FLT3: variants seen among roughly 807,000 people sequenced by gnomAD.
FLT3 encodes fms related receptor tyrosine kinase 3, also known as receptor-type tyrosine-protein kinase FLT3.
A neutral mutation model predicts 126.6 loss-of-function variants in FLT3; 46 were observed. The ratio of observed to expected loss-of-function variants is 0.36; its 90% CI spans 0.29 to 0.46. The LOEUF (loss-of-function observed/expected upper bound fraction) is 0.46. Among genes scored for constraint, FLT3 ranks in the 20% least tolerant of loss-of-function variants. FLT3 has a pLI of 1.00. For missense variants in FLT3, 1,069 were observed against 1,190.3 expected (o/e 0.90, Z 1.50); for synonymous variants, 404 against 434.4 (o/e 0.93, Z 0.87).
At chr13:28,047,048 C>T (rs1393863333) in intron 9 of FLT3, among the ~76,000 whole-genome samples, 2 of 151,964 alleles carry the variant, frequency 1.3e-5, no homozygotes, top group African/African-American at 2.4e-5. Flanking sequence ...GCTACCGTAC[C>T]GGACAGCACA....
intron 1 of FLT3, among the ~76,000 whole-genome samples, chr13:28,088,709 C>A (rs1030780891): frequency 1.3e-5 from 2 of 151,740 alleles, no homozygotes; most frequent in African/African-American, 4.8e-5. Context: ...CTCAGCCTCC[C>A]GAGTAGCTGG....
At chr13:28,074,667 GT>G (rs1877803032) in intron 1 of FLT3, among the ~76,000 whole-genome samples, 1 of 151,810 alleles carries the variant, frequency 6.6e-6, no homozygotes, top group East Asian at 1.9e-4. Context: ...TTGAGACAGG[GT>G]CTCACCCTGT....
chr13:28,023,595 G>A (rs539031195), intron 18 of FLT3, 118 bp from the exon 19 acceptor site: 38 of 1,082,440 alleles, frequency 3.5e-5, no homozygotes, highest in South Asian at 1.5e-4. Flanking sequence ...TGAAGCTATC[G>A]CATTATCTTC....
chr13:28,089,008 C>CA (rs1878863698), intron 1 of FLT3, among the ~76,000 whole-genome samples: 1 of 152,136 alleles, frequency 6.6e-6, no homozygotes. Flanking sequence ...AATAATAAAA[C>CA]AAACACTCCA....
At chr13:28,023,237 G>C (rs765090048) in intron 19 of FLT3, 113 bp downstream of exon 19, 292 of 1,097,986 alleles carry the variant, frequency 2.7e-4, no homozygotes, top group Non-Finnish European at 3.5e-4. Flanking sequence ...ACAGTGAACA[G>C]GGGAGAAAAG....
intron 4 of FLT3, among the ~76,000 whole-genome samples, chr13:28,054,035 C>CATG (rs1875786324): frequency 6.6e-6 from 1 of 152,050 alleles, no homozygotes; most frequent in African/African-American, 2.4e-5. Context: ...TATGATCAAC[C>CATG]ATGTGCTCTG....
intron 15 of FLT3, among the ~76,000 whole-genome samples, chr13:28,029,936 CT>C (rs1231032186): frequency 6.6e-6 from 1 of 152,200 alleles, no homozygotes; most frequent in Non-Finnish European, 1.5e-5. Context: ...GTCATTGCGG[CT>C]CATGTGCAGT....
chr13:28,010,001 C>A (rs1267480372), intron 23 of FLT3, among the ~76,000 whole-genome samples: 2 of 152,172 alleles, frequency 1.3e-5, no homozygotes, highest in Non-Finnish European at 2.9e-5. Flanking sequence ...ACAGCCCCTG[C>A]CTAGTGTGCT....
At chr13:28,025,740 T>G (rs1471856318) in intron 17 of FLT3, among the ~76,000 whole-genome samples, 1 of 152,148 alleles carries the variant, frequency 6.6e-6, no homozygotes. Flanking sequence ...AGTGGCTTTA[T>G]AGAGTTCTCA....
intron 1 of FLT3, among the ~76,000 whole-genome samples, chr13:28,097,494 T>C (rs1483405304): frequency 6.6e-6 from 1 of 152,226 alleles, no homozygotes; most frequent in Admixed American, 6.5e-5. Context: ...AGTGCCTTCT[T>C]AGTTATAAAA....
chr13:28,018,937 T>C (rs995700184), intron 19 of FLT3, among the ~76,000 whole-genome samples: 1 of 151,642 alleles, frequency 6.6e-6, no homozygotes. Context: ...CCAGTACTCT[T>C]ATTGTGGGTG....
chr13:28,065,825 C>G (rs1664049544), intron 2 of FLT3, among the ~76,000 whole-genome samples: 1 of 135,422 alleles, frequency 7.4e-6, no homozygotes, highest in Non-Finnish European at 1.5e-5. Flanking sequence ...GAGATCTTGT[C>G]TCAAAGTAAT....
intron 23 of FLT3, among the ~76,000 whole-genome samples, chr13:28,007,387 C>A (rs1227571586): frequency 6.6e-6 from 1 of 152,130 alleles, no homozygotes; most frequent in Non-Finnish European, 1.5e-5. Context: ...ACTGGGACTA[C>A]TGGTGTGCGC....
chr13:28,097,996 A>C (rs945426744), intron 1 of FLT3, among the ~76,000 whole-genome samples: 3 of 152,162 alleles, frequency 2.0e-5, no homozygotes, highest in African/African-American at 7.2e-5. Context: ...AGAAAGCTTC[A>C]TCATTATTCA....
chr13:28,011,211 G>A lies in FLT3; in HGVS notation c.2859+3241C>T, dbSNP rs945111873. ...TGTAGTCCCAGCTACTCAGGAGGCT[G>A]AGGCATAAGAATTGCTTGAACCCAG... is the stretch of plus-strand genomic sequence containing the variant. On this transcript the variant is annotated intron_variant, in intron 23 of 23. Transcript: ENST00000241453. Among the ~76,000 whole-genome samples, 6 of 150,986 alleles carry A rather than the reference G, an allele frequency of 4.0e-5. No homozygotes were observed. In the South Asian group the frequency reaches 1.3e-3, roughly 32 times the overall value.
chr13:28,043,035 C>T (rs940488974), intron 9 of FLT3, among the ~76,000 whole-genome samples: 1 of 151,982 alleles, frequency 6.6e-6, no homozygotes, highest in African/African-American at 2.4e-5. Context: ...AGCTGTTTAC[C>T]CCGTAAGCAC....
chr13:28,050,154 T>C lies in FLT3; in HGVS notation c.683A>G (p.Asp228Gly), dbSNP rs550617659. 17 of 1,613,902 alleles carry C rather than the reference T, an allele frequency of 1.1e-5. No homozygotes were observed. Among genetic ancestry groups the C allele is most frequent in the Non-Finnish European group, 1.4e-5 (16 of 1,179,878 alleles). Residue 228 changes from aspartate to glycine, a missense_variant, in exon 6 of 24, where the codon GAC becomes GGC. Coordinates refer to ENST00000241453, the MANE Select transcript of FLT3 (RefSeq NM_004119.3). ...TTCATTTCTGGCACAGCACCTTATG[T>C]CCGTCCCAAATAATTCATGAAGCAC... ...EKVLHELFGT[D>G]IRCCARNELG... is the part of the protein sequence containing the mutation.
chr13:28,090,625 A>G (rs974817348), intron 1 of FLT3, among the ~76,000 whole-genome samples: 6 of 152,074 alleles, frequency 3.9e-5, no homozygotes, highest in African/African-American at 1.4e-4. Context: ...CAAAAATACA[A>G]AAACTACCCT....
Position 28,004,026 on chromosome 13 carries a change from G to T in FLT3, c.*26C>A, listed in dbSNP as rs1480578809. ...GCCTGTTAGGGATAGGTGGAGGGAT[G>T]AAGTCCTTAAAACTAAATTGTTCCT... On this transcript the variant is annotated 3_prime_UTR_variant, in exon 24 of 24. Transcript: ENST00000241453. 1.9e-6 allele frequency: 3 copies of T among 1,613,568 alleles called. No individual in the cohort carries two copies. The highest frequency in any genetic ancestry group is 2.5e-6 in the Non-Finnish European group (3 of 1,179,672).
Sources: allele counts gnomAD v4.1 joint callset (sites outside exome capture counted in the v4.1 genomes callset), GRCh38; gene constraint gnomAD v4.1.1; transcripts MANE v1.5; gene names NCBI Gene and HGNC (gene_info 2026-07-23, HGNC 2026-07-21).